Variants in AK9 observed in about 807,000 individuals in gnomAD.
AK9 encodes the protein adenylate kinase 9, also known as adenylate kinase domain containing 1.
In AK9, 191 loss-of-function variants were observed where a neutral mutation model predicts 239.6. The observed-to-expected ratio is 0.80, with a 90% confidence interval of 0.71 to 0.90. The LOEUF (loss-of-function observed/expected upper bound fraction) is 0.90, where lower values mean the gene tolerates loss of function less well. AK9 is among the 40% of genes least tolerant of loss of function. The pLI, the probability that AK9 is intolerant of heterozygous loss-of-function variation, is 0.00. For synonymous variants in AK9, 689 were observed against 721.0 expected (o/e 0.96, Z 0.71); for missense variants, 1,995 against 2,214.7 (o/e 0.90, Z 1.99).
At chr6:109,576,420 C>CTTTTTTTTTTTTTTTTTTTTTTT (rs3060763) in intron 20 of AK9, among the ~76,000 whole-genome samples, 3 of 103,478 alleles carry the variant, frequency 2.9e-5, no homozygotes, top group Non-Finnish European at 3.9e-5. Flanking sequence ...CATATATATA[C>CTTTTTTTTTTTTTTTTTTTTTTT]TTTTTTTTTT....
intron 2 of AK9, among the ~76,000 whole-genome samples, chr6:109,674,995 T>G (rs1771494506): frequency 6.6e-6 from 1 of 152,200 alleles, no homozygotes; most frequent in South Asian, 2.1e-4. Context: ...TTTATTATAA[T>G]AGCCATTTTG....
At chr6:109,608,335 A>G (rs1239450636) in intron 17 of AK9, among the ~76,000 whole-genome samples, 3 of 152,028 alleles carry the variant, frequency 2.0e-5, no homozygotes, top group Admixed American at 6.6e-5. Context: ...GGCACAGACA[A>G]ACAAACAGAC....
chr6:109,675,553 A>C, intron 2 of AK9, 76 bp downstream of exon 2: 1 of 1,008,946 alleles, frequency 9.9e-7, no homozygotes, highest in Non-Finnish European at 1.4e-6. Flanking sequence ...TGTGGTTTTT[A>C]TTTTTATATG....
chr6:109,587,765 G>A (rs567145495), intron 17 of AK9, among the ~76,000 whole-genome samples: 3 of 152,306 alleles, frequency 2.0e-5, no homozygotes, highest in East Asian at 3.9e-4. Context: ...ACTAGTGCAG[G>A]TGTCTTTTTG....
intron 19 of AK9, among the ~76,000 whole-genome samples, chr6:109,581,137 A>C (rs1169538623): frequency 1.3e-5 from 2 of 152,022 alleles, no homozygotes; most frequent in African/African-American, 4.8e-5. Flanking sequence ...TGACTGGCTG[A>C]TCCCTTGACT....
Position 109,659,429 on chromosome 6 carries a change from A to G in AK9, c.445-16T>C, listed in dbSNP as rs370786312. ...AGTCAGGACACTAAGAAACAACATT[A>G]TTAAATCACTTAAAACATTTTGAAT... On this transcript the variant is annotated splice_polypyrimidine_tract_variant and intron_variant, in intron 6 of 40. Transcript: ENST00000424296. 5.8e-4 allele frequency: 918 copies of G among 1,580,478 alleles called. 1 individual carries two copies. Among genetic ancestry groups the G allele is most frequent in the Non-Finnish European group, 7.4e-4 (863 of 1,162,224 alleles).
chr6:109,532,217 C>T (rs1781367633), intron 28 of AK9, among the ~76,000 whole-genome samples: 1 of 152,198 alleles, frequency 6.6e-6, no homozygotes, highest in Non-Finnish European at 1.5e-5. Context: ...TATTTATTGG[C>T]AAGGAGCTCC....
At chr6:109,688,863 G>A (rs977877871) in intron 1 of AK9, among the ~76,000 whole-genome samples, 2 of 152,172 alleles carry the variant, frequency 1.3e-5, no homozygotes, top group Non-Finnish European at 1.5e-5. Context: ...GAGATTGGGG[G>A]TGCTCAGGGT....
chr6:109,598,474 T>G, intron 17 of AK9, among the ~76,000 whole-genome samples: 1 of 152,174 alleles, frequency 6.6e-6, no homozygotes, highest in Non-Finnish European at 1.5e-5. Context: ...AGTCTATCAT[T>G]GTTGGACATT....
At chr6:109,590,241 T>G (rs2128218060) in intron 17 of AK9, among the ~76,000 whole-genome samples, 1 of 152,250 alleles carries the variant, frequency 6.6e-6, no homozygotes, top group South Asian at 2.1e-4. Flanking sequence ...CTGATTCAAT[T>G]TCACTACTCC....
chr6:109,582,413 G>C (rs1456939889), intron 19 of AK9, among the ~76,000 whole-genome samples: 1 of 152,150 alleles, frequency 6.6e-6, no homozygotes. Context: ...CACATTAACA[G>C]GAATTTGGAA....
chr6:109,500,034 TACACACACACACACACACACACAC>T (rs36086518), intron 35 of AK9, among the ~76,000 whole-genome samples: 3 of 141,362 alleles, frequency 2.1e-5, no homozygotes, highest in Non-Finnish European at 4.6e-5. Flanking sequence ...ATATATATGA[TACACACACACACACACACACACAC>T]ACACACACAC....
At chr6:109,510,383 C>T (rs1365564891) in intron 32 of AK9, among the ~76,000 whole-genome samples, 1 of 151,962 alleles carries the variant, frequency 6.6e-6, no homozygotes, top group Non-Finnish European at 1.5e-5. Context: ...ACAGGACGAC[C>T]AACTGCAGAG....
At chr6:109,536,617 C>T (rs1033111292) in intron 27 of AK9, among the ~76,000 whole-genome samples, 1 of 152,132 alleles carries the variant, frequency 6.6e-6, no homozygotes, top group Non-Finnish European at 1.5e-5. Flanking sequence ...CCTGATTTCC[C>T]TGGCCAGAAC....
At chr6:109,500,032 G>GACACACACAC (rs1385241254) in intron 35 of AK9, among the ~76,000 whole-genome samples, 5 of 76,386 alleles carry the variant, frequency 6.5e-5, no homozygotes, top group African/African-American at 2.6e-4. Flanking sequence ...CTATATATAT[G>GACACACACAC]ATACACACAC....
At chr6:109,553,728 C>T (rs913303213) in intron 24 of AK9, among the ~76,000 whole-genome samples, 1 of 152,134 alleles carries the variant, frequency 6.6e-6, no homozygotes, top group Admixed American at 6.6e-5. Context: ...GCCAGAACGT[C>T]CAATACTATG....
chr6:109,636,519 A>T (rs775951105), intron 10 of AK9, among the ~76,000 whole-genome samples: 9 of 151,310 alleles, frequency 5.9e-5, no homozygotes, highest in Non-Finnish European at 1.2e-4. Context: ...GAACTTTTCC[A>T]TCATCCCAAA....
intron 5 of AK9, among the ~76,000 whole-genome samples, chr6:109,669,711 C>T (rs546022802): frequency 5.9e-5 from 9 of 152,248 alleles, no homozygotes; most frequent in South Asian, 4.2e-4. Flanking sequence ...TACCAGGCTA[C>T]GGGTTGAGAG....
intron 20 of AK9, among the ~76,000 whole-genome samples, chr6:109,575,965 G>A (rs993791961): frequency 2.3e-4 from 35 of 151,708 alleles, no homozygotes; most frequent in African/African-American, 8.0e-4. Context: ...TTTCTTTGTC[G>A]AAGATCAGTT....
Sources: gnomAD v4.1 joint callset for allele counts (sites outside exome capture counted in the v4.1 genomes callset) on GRCh38, gnomAD v4.1.1 for gene constraint, MANE v1.5 for transcripts, NCBI Gene and HGNC (gene_info 2026-07-23, HGNC 2026-07-21) for gene names.